The following FAM124A variants were observed in gnomAD, a reference collection of about 807,000 sequenced individuals.
FAM124A encodes the protein protein FAM124A.
FAM124A carries 23 observed loss-of-function variants against 24.5 expected under a neutral mutation model. That is an observed-to-expected ratio of 0.94 (90% CI 0.68 to 1.33). The LOEUF (loss-of-function observed/expected upper bound fraction) is 1.33. Among genes scored for constraint, FAM124A ranks in the 40% most tolerant of loss-of-function variants. The pLI, the probability that FAM124A is intolerant of heterozygous loss-of-function variation, is 0.00. For missense variants in FAM124A, 623 were observed against 722.8 expected, an observed-to-expected ratio of 0.86 and a Z score of 1.58; for synonymous variants, 287 against 314.7, an observed-to-expected ratio of 0.91 and a Z score of 0.93.
intron 1 of FAM124A, 34 bp downstream of exon 1, chr13:51,222,603 G>T (rs1417491775): frequency 2.5e-6 from 3 of 1,218,296 alleles, no homozygotes; most frequent in Non-Finnish European, 3.1e-6. Flanking sequence ...CGGGCGGGGG[G>T]CGCTCTCCGA....
At chr13:51,252,293 A>G (rs775533835) in intron 3 of FAM124A, 92 bp downstream of exon 3, 103 of 1,492,160 alleles carry the variant, frequency 6.9e-5, no homozygotes, top group Non-Finnish European at 8.9e-5. Context: ...CAGAGCAATG[A>G]TCAAGGAAGG....
At chr13:51,224,576 A>T (rs1461098209) in intron 1 of FAM124A, among the ~76,000 whole-genome samples, 1 of 152,206 alleles carries the variant, frequency 6.6e-6, no homozygotes, top group African/African-American at 2.4e-5. Flanking sequence ...CCATATATTC[A>T]CAGAGCCCTT....
At chr13:51,257,363 G>A (rs1411471001) in intron 3 of FAM124A, among the ~76,000 whole-genome samples, 1 of 152,226 alleles carries the variant, frequency 6.6e-6, no homozygotes, top group African/African-American at 2.4e-5. Context: ...CTCTTCCTAA[G>A]GTGAAGCACA....
chr13:51,270,300 G>A (rs773865496), intron 3 of FAM124A, among the ~76,000 whole-genome samples: 1 of 152,154 alleles, frequency 6.6e-6, no homozygotes, highest in African/African-American at 2.4e-5. Flanking sequence ...CAACGTACTT[G>A]CATCCCATCT....
chr13:51,230,775 C>T (rs1954367278), intron 1 of FAM124A, among the ~76,000 whole-genome samples: 1 of 152,186 alleles, frequency 6.6e-6, no homozygotes, highest in Admixed American at 6.5e-5. Context: ...CAGCTCACAT[C>T]CTGTTACTCT....
At chr13:51,234,105 G>C (rs1413261382) in intron 2 of FAM124A, among the ~76,000 whole-genome samples, 3 of 152,168 alleles carry the variant, frequency 2.0e-5, no homozygotes, top group Non-Finnish European at 4.4e-5. Flanking sequence ...AATGATTCCT[G>C]GTTCCTGTTG....
intron 1 of FAM124A, among the ~76,000 whole-genome samples, chr13:51,229,991 C>T (rs768470384): frequency 7.9e-5 from 12 of 152,164 alleles, no homozygotes; most frequent in Non-Finnish European, 1.8e-4. Flanking sequence ...CGTGCACACT[C>T]AACTTCAGTC....
intron 3 of FAM124A, among the ~76,000 whole-genome samples, chr13:51,263,678 T>C (rs1037164214): frequency 3.3e-5 from 5 of 152,270 alleles, no homozygotes; most frequent in Non-Finnish European, 5.9e-5. Flanking sequence ...TTTCTGCTTA[T>C]TGGGAATTTC....
intron 2 of FAM124A, among the ~76,000 whole-genome samples, chr13:51,249,860 T>C (rs1027207508): frequency 5.9e-5 from 9 of 152,240 alleles, no homozygotes; most frequent in Non-Finnish European, 1.3e-4. Flanking sequence ...CTGCCTATGG[T>C]TGTGCAGGTT....
chr13:51,272,603 C>T lies in FAM124A; in HGVS notation c.835-7847C>T, dbSNP rs879321493. On this transcript the variant is annotated intron_variant, in intron 3 of 3. Transcript: ENST00000322475. The surrounding 1 kb of genome is among the most constrained non-coding windows in gnomAD (Gnocchi z 4.2). ...CACACACACACACACACCAGTTGAA[C>T]CACCAGATCAGCTACCTCTTCCCCT... Among the ~76,000 whole-genome samples, 26 of 148,688 alleles carry T rather than the reference C, an allele frequency of 1.7e-4. No individual in the cohort carries two copies. The highest frequency in any genetic ancestry group is 5.3e-4 in the African/African-American group (21 of 39,542).
At chr13:51,244,512 GA>G (rs1263198647) in intron 2 of FAM124A, among the ~76,000 whole-genome samples, 5 of 152,210 alleles carry the variant, frequency 3.3e-5, no homozygotes, top group Non-Finnish European at 7.3e-5. Flanking sequence ...AAAAATTCTA[GA>G]AAGGGGTACC....
intron 3 of FAM124A, among the ~76,000 whole-genome samples, chr13:51,269,612 A>C (rs1464508277): frequency 6.6e-6 from 1 of 152,248 alleles, no homozygotes; most frequent in Non-Finnish European, 1.5e-5. Flanking sequence ...AAATCAATAC[A>C]TTAAATGTAT....
chr13:51,245,902 G>A (rs1954552570), intron 2 of FAM124A, among the ~76,000 whole-genome samples: 2 of 152,194 alleles, frequency 1.3e-5, no homozygotes, highest in South Asian at 4.1e-4. Flanking sequence ...GGATACACAG[G>A]AGAGGTAAAA....
At chr13:51,223,794 C>T (rs1954287916) in intron 1 of FAM124A, among the ~76,000 whole-genome samples, 1 of 151,570 alleles carries the variant, frequency 6.6e-6, no homozygotes, top group Admixed American at 6.6e-5. Flanking sequence ...TTTCTTCTTC[C>T]CACTCTTTGT....
At chr13:51,280,044 G>A (rs577767818) in intron 3 of FAM124A, among the ~76,000 whole-genome samples, 1 of 152,298 alleles carries the variant, frequency 6.6e-6, no homozygotes, top group East Asian at 1.9e-4. Context: ...TCTATCAGGT[G>A]AGCACACTGT....
chr13:51,273,041 T>C (rs970204184), intron 3 of FAM124A, among the ~76,000 whole-genome samples: 3 of 152,204 alleles, frequency 2.0e-5, no homozygotes. Flanking sequence ...TAAAACTCTG[T>C]TTACATATCA....
intron 1 of FAM124A, among the ~76,000 whole-genome samples, chr13:51,225,976 CTTTTTTTTTTTTTTTTTTTTTT>C (rs780570797): frequency 4.4e-5 from 3 of 67,566 alleles, no homozygotes; most frequent in Non-Finnish European, 4.8e-5. Context: ...TGCTTGCTTT[CTTTTTTTTTTTTTTTTTTTTTT>C]TTTTTTTTTT....
chr13:51,276,684 G>A (rs1954888545), intron 3 of FAM124A, among the ~76,000 whole-genome samples: 1 of 152,174 alleles, frequency 6.6e-6, no homozygotes, highest in Non-Finnish European at 1.5e-5. Context: ...AAAGGGAAAG[G>A]AAAAGCAAAA....
At chr13:51,241,974 T>C (rs1046148306) in intron 2 of FAM124A, among the ~76,000 whole-genome samples, 2 of 152,256 alleles carry the variant, frequency 1.3e-5, no homozygotes, top group African/African-American at 4.8e-5. Context: ...TCTTGACTAA[T>C]ATAATTGTAA....
Sources: allele counts gnomAD v4.1 joint callset (sites outside exome capture counted in the v4.1 genomes callset), GRCh38; gene constraint gnomAD v4.1.1; non-coding constraint Gnocchi (gnomAD v3.1); transcripts MANE v1.5; gene names NCBI Gene and HGNC (gene_info 2026-07-23, HGNC 2026-07-21).